The following KCNH7 variants were observed in gnomAD, a reference collection of about 807,000 sequenced individuals.
KCNH7 encodes potassium voltage-gated channel subfamily H member 7, also known as voltage-gated inwardly rectifying potassium channel KCNH7.
KCNH7 carries 49 observed loss-of-function variants against 120.8 expected under a neutral mutation model. The observed-to-expected ratio is 0.41, with a 90% CI of 0.32 to 0.51. KCNH7 has a LOEUF of 0.51. Among genes scored for constraint, KCNH7 ranks in the 20% least tolerant of loss-of-function variants. The pLI, the probability that KCNH7 is intolerant of heterozygous loss-of-function variation, is 0.38. For missense variants in KCNH7, 1,097 were observed against 1,446.6 expected (o/e 0.76, Z 3.92); for synonymous variants, 547 against 516.1 (o/e 1.06, Z -0.81).
intron 2 of KCNH7, among the ~76,000 whole-genome samples, chr2:162,627,078 C>A (rs1198470568): frequency 6.6e-6 from 1 of 152,154 alleles, no homozygotes; most frequent in Non-Finnish European, 1.5e-5. Context: ...GGCTTTTCTG[C>A]CATGTGGATT....
intron 2 of KCNH7, among the ~76,000 whole-genome samples, chr2:162,671,995 C>A (rs964888337): frequency 6.6e-6 from 1 of 151,794 alleles, no homozygotes; most frequent in East Asian, 1.9e-4. Flanking sequence ...TGAAGTATAA[C>A]GAAAAAATTA....
chr2:162,617,418 GC>G (rs1019240195), intron 2 of KCNH7, among the ~76,000 whole-genome samples: 8 of 152,134 alleles, frequency 5.3e-5, no homozygotes, highest in Non-Finnish European at 1.5e-5. Context: ...GGCGGAGCTT[GC>G]AGTGAGCTGA....
chr2:162,568,705 A>G (rs528299529), intron 2 of KCNH7, among the ~76,000 whole-genome samples: 1 of 152,156 alleles, frequency 6.6e-6, no homozygotes, highest in African/African-American at 2.4e-5. Flanking sequence ...CAAAATATAT[A>G]TAAGAAATAT....
intron 2 of KCNH7, among the ~76,000 whole-genome samples, chr2:162,651,461 G>A (rs551652771): frequency 1.3e-5 from 2 of 152,100 alleles, no homozygotes; most frequent in Admixed American, 6.6e-5. Flanking sequence ...GAGAACATAC[G>A]ATACCTGGCT....
At chr2:162,583,768 G>GA (rs1342540252) in intron 2 of KCNH7, among the ~76,000 whole-genome samples, 1 of 152,016 alleles carries the variant, frequency 6.6e-6, no homozygotes, top group African/African-American at 2.4e-5. Flanking sequence ...TACCTGGCTG[G>GA]AAAAAACACC....
intron 4 of KCNH7, among the ~76,000 whole-genome samples, chr2:162,513,223 C>G (rs1184035776): frequency 8.3e-6 from 1 of 120,738 alleles, no homozygotes; most frequent in African/African-American, 3.1e-5. Context: ...CCCTCCTTCC[C>G]TCCTGCCTTC....
Position 162,441,967 on chromosome 2 carries a change from C to T in KCNH7, c.1554+4051G>A, listed in dbSNP as rs1201030624. 3.0e-5 allele frequency among the ~76,000 whole-genome samples: 4 copies of T among 132,486 alleles called. No individual in the cohort carries two copies. The East Asian group carries it at 9.5e-4, about 31-fold the overall frequency. 86.9% of individuals were successfully genotyped at this position (132,486 alleles called of 152,430 possible). On this transcript the variant is annotated intron_variant, in intron 7 of 15. Coordinates refer to ENST00000332142, the MANE Select transcript of KCNH7 (RefSeq NM_033272.4). ...CTACTTATTGTAGGTGATTTGTAAC[C>T]ATGTGAGAAAAAAATTAAATAGTTA...
intron 2 of KCNH7, among the ~76,000 whole-genome samples, chr2:162,604,274 T>C (rs763886855): frequency 5.9e-5 from 9 of 152,156 alleles, no homozygotes; most frequent in Non-Finnish European, 5.9e-5. Context: ...ATGAATATTC[T>C]AGAAATTCTA....
chr2:162,567,500 T>A (rs773320865), intron 2 of KCNH7, among the ~76,000 whole-genome samples: 2 of 151,966 alleles, frequency 1.3e-5, no homozygotes, highest in South Asian at 4.1e-4. Context: ...AATTTGCATT[T>A]TTCCCCCCAC....
chr2:162,819,988 T>C (rs1283591412), intron 2 of KCNH7, among the ~76,000 whole-genome samples: 1 of 150,874 alleles, frequency 6.6e-6, no homozygotes, highest in African/African-American at 2.4e-5. Context: ...ACACATTACA[T>C]AAATTCTACA....
chr2:162,582,522 A>G (rs1693907109), intron 2 of KCNH7, among the ~76,000 whole-genome samples: 1 of 152,062 alleles, frequency 6.6e-6, no homozygotes. Flanking sequence ...GGGAACATAC[A>G]GCGCTTTGAC....
At chr2:162,817,441 A>G (rs182011324) in intron 2 of KCNH7, among the ~76,000 whole-genome samples, 2 of 152,172 alleles carry the variant, frequency 1.3e-5, no homozygotes, top group East Asian at 3.9e-4. Context: ...GCTACACCAC[A>G]ACTTAATTTA....
At chr2:162,455,128 T>G (rs953276788) in intron 6 of KCNH7, among the ~76,000 whole-genome samples, 19 of 152,160 alleles carry the variant, frequency 1.2e-4, no homozygotes, top group African/African-American at 4.6e-4. Flanking sequence ...GTCTAATTTA[T>G]TGAGAGTTTT....
At chr2:162,836,789 G>T in intron 1 of KCNH7, 22 bp from the exon 2 acceptor site, 1 of 1,538,510 alleles carries the variant, frequency 6.5e-7, no homozygotes, top group Non-Finnish European at 9.0e-7. Context: ...AGACAGTATG[G>T]CATCTTTGAA....
chr2:162,831,081 G>T (rs1207139198), intron 2 of KCNH7, among the ~76,000 whole-genome samples: 2 of 152,122 alleles, frequency 1.3e-5, no homozygotes, highest in African/African-American at 2.4e-5. Flanking sequence ...TCGAGTAGCA[G>T]TAAGACAAAG....
chr2:162,731,722 G>C (rs1320297824), intron 2 of KCNH7, among the ~76,000 whole-genome samples: 1 of 151,828 alleles, frequency 6.6e-6, no homozygotes, highest in Non-Finnish European at 1.5e-5. Context: ...CTAAATTTAG[G>C]GTTGCAGATA....
At chr2:162,622,474 G>T (rs954628690) in intron 2 of KCNH7, among the ~76,000 whole-genome samples, 1 of 152,138 alleles carries the variant, frequency 6.6e-6, no homozygotes, top group African/African-American at 2.4e-5. Context: ...TGGTCAAATG[G>T]ATTTAAATTA....
At chr2:162,577,105 A>T (rs539743602) in intron 2 of KCNH7, among the ~76,000 whole-genome samples, 3 of 151,622 alleles carry the variant, frequency 2.0e-5, no homozygotes, top group African/African-American at 7.3e-5. Flanking sequence ...TTTTTTGTAG[A>T]AATTGGGTCT....
intron 14 of KCNH7, 39 bp from the exon 15 acceptor site, chr2:162,373,701 T>TC: frequency 1.5e-6 from 2 of 1,346,346 alleles, no homozygotes; most frequent in South Asian, 2.1e-5. Flanking sequence ...CAGTCTAAAA[T>TC]AGTCCAGAAT....
Sources: allele counts gnomAD v4.1 joint callset (sites outside exome capture counted in the v4.1 genomes callset), GRCh38; gene constraint gnomAD v4.1.1; transcripts MANE v1.5; gene names NCBI Gene and HGNC (gene_info 2026-07-23, HGNC 2026-07-21).